Variants in HMCN1 observed in about 807,000 individuals in gnomAD.
The protein encoded by HMCN1 is hemicentin 1.
A neutral mutation model predicts 625.9 loss-of-function variants in HMCN1; 321 were observed. The ratio of observed to expected loss-of-function variants is 0.51; its 90% CI spans 0.47 to 0.56. The LOEUF (loss-of-function observed/expected upper bound fraction) is 0.56. Ranked by LOEUF, HMCN1 falls within the 20% of genes least tolerant of loss-of-function variation. The pLI is 0.00. For missense variants in HMCN1, 6,588 were observed against 6,887.3 expected, an observed-to-expected ratio of 0.96 and a Z score of 1.54; for synonymous variants, 2,425 against 2,417.6, an observed-to-expected ratio of 1.00 and a Z score of -0.09.
At chr1:185,913,576 AGT>A (rs1177125695) in intron 6 of HMCN1, among the ~76,000 whole-genome samples, 2 of 152,108 alleles carry the variant, frequency 1.3e-5, no homozygotes, top group Non-Finnish European at 2.9e-5. Flanking sequence ...ATTGACCTTA[AGT>A]AGTCCATTAT....
chr1:185,886,561 A>G (rs189008207), intron 4 of HMCN1, among the ~76,000 whole-genome samples: 1 of 152,160 alleles, frequency 6.6e-6, no homozygotes, highest in Admixed American at 6.5e-5. Context: ...ATCTTAAATC[A>G]AATGTTTAAT....
intron 8 of HMCN1, 148 bp from the exon 9 acceptor site, chr1:185,924,899 T>C: frequency 1.3e-6 from 1 of 762,910 alleles, no homozygotes; most frequent in Non-Finnish European, 2.2e-6. Context: ...GAAAAAGTAA[T>C]TTTTAGTGAT....
intron 104 of HMCN1, among the ~76,000 whole-genome samples, chr1:186,181,419 T>C (rs1446560425): frequency 1.3e-5 from 2 of 152,178 alleles, no homozygotes; most frequent in Non-Finnish European, 2.9e-5. Flanking sequence ...CTTTGTTTAA[T>C]AATAGCAGAT....
Position 186,144,646 on chromosome 1 carries a change from A to G in HMCN1, c.14209A>G (p.Arg4737Gly), listed in dbSNP as rs1317155099. 1.6e-5 allele frequency: 26 copies of G among 1,614,042 alleles called. No individual in the cohort carries two copies. Among genetic ancestry groups the G allele is most frequent in the Non-Finnish European group, 2.1e-5 (25 of 1,180,024 alleles). The change falls in exon 91 of 107, where the codon AGG becomes GGG. Residue 4737 changes from arginine (R) to glycine (G), a missense_variant. This residue lies in a region of HMCN1 where 1,954 missense variants were observed against 2,013.1 expected (regional missense o/e 0.97). Coordinates refer to ENST00000271588, the MANE Select transcript of HMCN1 (RefSeq NM_031935.3). ...CSDPVPQYGG[R>G]KCEGSDVQSD... The stretch of plus-strand genomic sequence containing the variant: ...CGACCCTGTGCCCCAGTATGGAGGA[A>G]GGAAATGCGAAGGGAGTGATGTCCA...
At position 186,145,533 on chromosome 1, in the gene HMCN1, A is replaced by G. The variant is rs771556781; in HGVS notation, c.14397A>G (p.Pro4799=). Residue 4799 remains proline (P), a synonymous_variant, in exon 92 of 107, where the codon CCA becomes CCG. Coordinates refer to ENST00000271588, the MANE Select transcript of HMCN1 (RefSeq NM_031935.3). ...PSNGGRACGG[P]DSQIQRCNTD... ...ATGGGGGAAGAGCTTGTGGGGGACCAGACTCCCAGATCCAGAGGTGCAACA... is the reference window on the plus strand; with the variant it reads ...ATGGGGGAAGAGCTTGTGGGGGACCGGACTCCCAGATCCAGAGGTGCAACA... The G allele has an allele frequency of 1.9e-6, 3 of 1,614,136 alleles. No individual in the cohort carries two copies. Among genetic ancestry groups the G allele is most frequent in the Non-Finnish European group, 1.7e-6 (2 of 1,180,000 alleles).
rs779490577 is a variant in HMCN1, at chr1:185,928,663, A to G, written c.1548A>G (p.Val516=). ...GTGRAQTFFD[V]SEPPPVIQVP... is the part of the protein sequence containing the mutation. ...GACGGGCACAGACATTTTTTGACGT[A>G]TCAGGTAATTACCACTAATTTCTTT... The change falls in exon 10 of 107, where the codon GTA becomes GTG. Residue 516 remains valine, a synonymous_variant. Transcript: ENST00000271588. The G allele has an allele frequency of 2.5e-6, 4 of 1,613,294 alleles. No homozygotes were observed. Among genetic ancestry groups the G allele is most frequent in the Admixed American group, 1.7e-5 (1 of 60,004 alleles).
chr1:186,185,897 T>C (rs1571484162), intron 105 of HMCN1, among the ~76,000 whole-genome samples: 1 of 152,166 alleles, frequency 6.6e-6, no homozygotes, highest in Admixed American at 6.5e-5. Flanking sequence ...CTCTTGTATC[T>C]CAGGACCAAT....
chr1:185,875,444 G>A (rs1385287977), intron 4 of HMCN1, among the ~76,000 whole-genome samples: 1 of 152,046 alleles, frequency 6.6e-6, no homozygotes, highest in Non-Finnish European at 1.5e-5. Flanking sequence ...GAGGGATCAA[G>A]TCTCCCCTGT....
intron 15 of HMCN1, among the ~76,000 whole-genome samples, chr1:185,974,892 G>A (rs191121229): frequency 1.3e-5 from 2 of 152,088 alleles, no homozygotes; most frequent in Non-Finnish European, 2.9e-5. Flanking sequence ...ACAGATTGAG[G>A]TTTGTTTATC....
Position 185,984,150 on chromosome 1 carries a change from C to G in HMCN1, c.2791-19C>G. ...ATCCTTTCTTTTTAAATAAAAATTA[C>G]CTTTTTTTTTCCTTTAAGTTGCTCC... is the stretch of plus-strand genomic sequence containing the variant. On this transcript the variant is annotated intron_variant, in intron 18 of 106. Transcript: ENST00000271588. 1 of 1,604,558 alleles carries G rather than the reference C, an allele frequency of 6.2e-7. No homozygotes were observed.
chr1:185,755,496 GC>G (rs1323010497), intron 1 of HMCN1, among the ~76,000 whole-genome samples: 1 of 152,188 alleles, frequency 6.6e-6, no homozygotes, highest in Non-Finnish European at 1.5e-5. Context: ...TGAGAGTGCT[GC>G]TAGGCCTCAT....
rs1408597818 is a variant in HMCN1 at position 186,189,884 on chromosome 1, TCTCCA to T, written c.*7_*11del. 1.2e-6 allele frequency: 2 copies of T among 1,613,088 alleles called. No individual in the cohort carries two copies. Among genetic ancestry groups the T allele is most frequent in the Admixed American group, 3.3e-5 (2 of 59,980 alleles). On this transcript the variant is annotated 3_prime_UTR_variant, in exon 107 of 107. Transcript: ENST00000271588. ...TGTCCGCCTATCCATACTAAGGAAC[TCTCCA>T]AAGCCTATTCCACATATTTAAACCG...
At chr1:186,037,361 A>T (rs1655901622) in intron 36 of HMCN1, among the ~76,000 whole-genome samples, 1 of 152,160 alleles carries the variant, frequency 6.6e-6, no homozygotes, top group Non-Finnish European at 1.5e-5. Context: ...CAAGTACATT[A>T]AATAACAGAT....
At chr1:185,978,209 A>C in intron 16 of HMCN1, 1 of 474,670 alleles carries the variant, frequency 2.1e-6, no homozygotes, top group Admixed American at 3.7e-5. Context: ...GGGCTTATGA[A>C]ACAATATGAC....
Position 186,123,103 on chromosome 1 carries a change from C to T in HMCN1, c.12382C>T (p.Leu4128Phe), listed in dbSNP as rs1275828765. 1.2e-6 allele frequency: 2 copies of T among 1,613,982 alleles called. No individual in the cohort carries two copies. Among genetic ancestry groups the T allele is most frequent in the African/African-American group, 2.7e-5 (2 of 74,910 alleles). ...TGTGGAATCTATCCGCCAGCGCGTC[C>T]TCAGCTCTGGCTCTCTGCAAATAGC... ...AIVESIRQRV[L>F]SSGSLQIAFV... The change falls in exon 81 of 107, where the codon CTC becomes TTC. Residue 4128 changes from leucine to phenylalanine, a missense_variant. Transcript: ENST00000271588.
chr1:186,051,698 A>G (rs1032269908), intron 42 of HMCN1, among the ~76,000 whole-genome samples: 6 of 152,082 alleles, frequency 3.9e-5, no homozygotes, highest in Non-Finnish European at 5.9e-5. Flanking sequence ...AGAAGGCAAA[A>G]GGTATAAGGT....
intron 77 of HMCN1, among the ~76,000 whole-genome samples, 178 bp from the exon 78 acceptor site, chr1:186,119,013 C>T (rs1362926633): frequency 6.6e-6 from 1 of 152,074 alleles, no homozygotes; most frequent in Non-Finnish European, 1.5e-5. Flanking sequence ...AATTATGCCT[C>T]AATAAAGCTG....
chr1:186,021,553 T>C (rs1405622132), intron 35 of HMCN1, among the ~76,000 whole-genome samples: 8 of 151,676 alleles, frequency 5.3e-5, no homozygotes. Context: ...TCTTTAAAAA[T>C]TATGGCATTT....
chr1:186,060,384 T>C (rs1657608284), intron 46 of HMCN1, among the ~76,000 whole-genome samples: 1 of 152,048 alleles, frequency 6.6e-6, no homozygotes, highest in African/African-American at 2.4e-5. Flanking sequence ...ATGACCTACT[T>C]TTTTGTTGGA....
Sources: allele counts gnomAD v4.1 joint callset (sites outside exome capture counted in the v4.1 genomes callset), GRCh38; gene constraint gnomAD v4.1.1; regional missense constraint gnomAD v4.1.1; transcripts MANE v1.5; gene names NCBI Gene and HGNC (gene_info 2026-07-23, HGNC 2026-07-21).